The following SMURF1 variants were observed in gnomAD, a reference collection of about 807,000 sequenced individuals.
SMURF1 encodes SMAD specific E3 ubiquitin protein ligase 1, also known as E3 ubiquitin-protein ligase SMURF1.
Under a neutral mutation model 98.0 loss-of-function variants are expected in SMURF1, and 44 were observed. The observed-to-expected ratio is 0.45, with a 90% confidence interval of 0.35 to 0.58. The LOEUF (loss-of-function observed/expected upper bound fraction) is 0.58, where lower values mean the gene tolerates loss of function less well. Ranked by LOEUF, SMURF1 falls within the 20% of genes least tolerant of loss-of-function variation. SMURF1 has a pLI of 0.00. For missense variants in SMURF1, 687 were observed against 938.4 expected, an observed-to-expected ratio of 0.73 and a Z score of 3.50; for synonymous variants, 396 against 374.9, an observed-to-expected ratio of 1.06 and a Z score of -0.65.
Position 99,048,031 on chromosome 7 carries a change from G to A in SMURF1, c.954-149C>T, listed in dbSNP as rs971601941. ...CCCTGATGACGTAACCAGGTACCTA[G>A]CTAGCTGTGTCAAACTTGCTGATGG... is the stretch of plus-strand genomic sequence containing the variant. On this transcript the variant is annotated intron_variant, in intron 9 of 17. Transcript: ENST00000361368. The A allele has an allele frequency of 4.1e-5, 29 of 708,708 alleles. No individual in the cohort carries two copies. The South Asian group carries it at 4.9e-4, about 12-fold the overall frequency. 43.9% of individuals were successfully genotyped at this position (708,708 alleles called of 1,614,324 possible).
intron 1 of SMURF1, among the ~76,000 whole-genome samples, chr7:99,078,282 A>G (rs1295706275): frequency 4.1e-4 from 51 of 125,860 alleles, no homozygotes; most frequent in South Asian, 7.9e-4. Flanking sequence ...AGCCTGGGCG[A>G]AAAAAAAAAA....
intron 5 of SMURF1, among the ~76,000 whole-genome samples, chr7:99,055,834 C>T (rs1392045624): frequency 1.3e-5 from 2 of 152,130 alleles, no homozygotes; most frequent in African/African-American, 2.4e-5. Flanking sequence ...GGCGTGGTGG[C>T]AAGCAGCTGT....
At chr7:99,051,498 A>T in intron 7 of SMURF1, 57 bp from the exon 8 acceptor site, 3 of 1,378,880 alleles carry the variant, frequency 2.2e-6, no homozygotes, top group Non-Finnish European at 3.1e-6. Flanking sequence ...GAGAGTTTGT[A>T]ACCAACCCTC....
At chr7:99,078,074 G>A (rs1163847973) in intron 1 of SMURF1, among the ~76,000 whole-genome samples, 2 of 152,108 alleles carry the variant, frequency 1.3e-5, no homozygotes, top group African/African-American at 4.8e-5. Flanking sequence ...CGAGGCAGGT[G>A]GATCACCTGA....
chr7:99,100,908 G>A (rs1429195198), intron 1 of SMURF1, among the ~76,000 whole-genome samples: 1 of 152,154 alleles, frequency 6.6e-6, no homozygotes, highest in African/African-American at 2.4e-5. Flanking sequence ...ATCCAAAGCC[G>A]AGAAAGAGTG....
intron 14 of SMURF1, among the ~76,000 whole-genome samples, chr7:99,038,183 C>T (rs1314843825): frequency 2.0e-5 from 3 of 152,158 alleles, no homozygotes; most frequent in Non-Finnish European, 1.5e-5. Flanking sequence ...CAGGCCAGGC[C>T]TGGCCCCATC....
chr7:99,078,681 C>T (rs1255343928), intron 1 of SMURF1, among the ~76,000 whole-genome samples: 3 of 152,196 alleles, frequency 2.0e-5, no homozygotes, highest in African/African-American at 7.2e-5. Context: ...GGAGCATGAA[C>T]CCTGTTGTGA....
intron 3 of SMURF1, among the ~76,000 whole-genome samples, chr7:99,059,407 TAAAATAAAATAAAATA>T (rs1563010544): frequency 4.1e-5 from 1 of 24,622 alleles, no homozygotes; most frequent in Non-Finnish European, 7.3e-5. Context: ...CAAAAAAAAA[TAAAATAAAATAAAATA>T]AAATAAAATA....
chr7:99,081,838 A>C (rs893713975), intron 1 of SMURF1, among the ~76,000 whole-genome samples: 2 of 152,194 alleles, frequency 1.3e-5, no homozygotes, highest in Non-Finnish European at 2.9e-5. Context: ...TTTTTAGTAG[A>C]GATGGGGTTT....
chr7:99,142,173 G>A (rs73147632), intron 1 of SMURF1, among the ~76,000 whole-genome samples: 1 of 152,142 alleles, frequency 6.6e-6, no homozygotes. Context: ...AGAGCGTTGC[G>A]CTCACCCTTG....
intron 1 of SMURF1, 117 bp downstream of exon 1, chr7:99,143,609 C>G (rs1185872925): frequency 2.5e-6 from 2 of 804,476 alleles, no homozygotes; most frequent in Non-Finnish European, 3.6e-6. Flanking sequence ...AAGGGGGTGA[C>G]GAGGTCCTGG....
intron 13 of SMURF1, 147 bp downstream of exon 13, chr7:99,040,230 TC>T: frequency 2.3e-6 from 2 of 858,972 alleles, no homozygotes. Context: ...TTCCAAAAAA[TC>T]CCCTTTTTTT....
intron 1 of SMURF1, among the ~76,000 whole-genome samples, chr7:99,087,741 G>T (rs960733591): frequency 6.6e-6 from 1 of 152,042 alleles, no homozygotes; most frequent in South Asian, 2.1e-4. Context: ...CTATCTTTTA[G>T]GTCCATTCTT....
At chr7:99,115,438 C>T (rs1270751132) in intron 1 of SMURF1, among the ~76,000 whole-genome samples, 1 of 151,898 alleles carries the variant, frequency 6.6e-6, no homozygotes, top group African/African-American at 2.4e-5. Flanking sequence ...ACAAAAAAGA[C>T]AAAAATTAGC....
At chr7:99,050,959 A>G (rs1271130922) in intron 8 of SMURF1, 1 of 1,551,522 alleles carries the variant, frequency 6.4e-7, no homozygotes, top group Admixed American at 2.0e-5. Flanking sequence ...CGTATAGAAA[A>G]GCTGCATCTC....
intron 11 of SMURF1, 45 bp from the exon 12 acceptor site, chr7:99,042,277 C>A: frequency 7.1e-7 from 1 of 1,402,126 alleles, no homozygotes; most frequent in Non-Finnish European, 9.9e-7. Flanking sequence ...GCTAAAATTT[C>A]TACATTTTTT....
chr7:99,038,976 G>A (rs894160473), intron 13 of SMURF1, among the ~76,000 whole-genome samples: 1 of 151,890 alleles, frequency 6.6e-6, no homozygotes, highest in African/African-American at 2.4e-5. Context: ...GGTGGATTAC[G>A]AGGTCAGGAG....
chr7:99,072,210 G>C (rs1796341604), intron 1 of SMURF1, among the ~76,000 whole-genome samples: 1 of 152,160 alleles, frequency 6.6e-6, no homozygotes, highest in Admixed American at 6.5e-5. Flanking sequence ...ATTTTATAGA[G>C]ATAGGATTTT....
At chr7:99,128,874 A>G (rs2150636656) in intron 1 of SMURF1, among the ~76,000 whole-genome samples, 1 of 152,370 alleles carries the variant, frequency 6.6e-6, no homozygotes, top group South Asian at 2.1e-4. Flanking sequence ...AAAAGTAAAT[A>G]ACCGAAGTTG....
Sources: allele counts gnomAD v4.1 joint callset (sites outside exome capture counted in the v4.1 genomes callset), GRCh38; gene constraint gnomAD v4.1.1; transcripts MANE v1.5; gene names NCBI Gene and HGNC (gene_info 2026-07-23, HGNC 2026-07-21).